Variants in MYH8 observed in about 807,000 individuals in gnomAD.
MYH8 encodes myosin-8.
MYH8 carries 168 observed loss-of-function variants against 233.2 expected under a neutral mutation model. That is an observed-to-expected ratio of 0.72 (90% confidence interval 0.64 to 0.82). MYH8 has a LOEUF of 0.82. Among genes scored for constraint, MYH8 ranks in the 40% least tolerant of loss-of-function variants. MYH8 has a pLI of 0.00. For synonymous variants in MYH8, 785 were observed against 850.6 expected (o/e 0.92, Z 1.34); for missense variants, 1,995 against 2,327.8 (o/e 0.86, Z 2.94).
Position 10,401,853 on chromosome 17 carries a change from C to G in MYH8, c.2689-68G>C. 5 of 1,592,694 alleles carry G rather than the reference C, an allele frequency of 3.1e-6. No homozygotes were observed. The South Asian group carries it at 4.5e-5, about 14-fold the overall frequency. ...TTTGAAACTTGGTGTTTTTTTTGCG[C>G]AAAAATAATAGTGTTTTATTGAATT... is the stretch of plus-strand genomic sequence containing the variant. On this transcript the variant is annotated intron_variant, in intron 22 of 39. Coordinates refer to ENST00000403437, the MANE Select transcript of MYH8 (RefSeq NM_002472.3).
In MYH8 at chr17:10,400,501, C is replaced by G. The variant is rs2072127843; in HGVS notation, c.3624G>C (p.Glu1208Asp). 1 of 1,614,102 alleles carries G rather than the reference C, an allele frequency of 6.2e-7. No homozygotes were observed. Among genetic ancestry groups the G allele is most frequent in the South Asian group, 1.1e-5 (1 of 91,082 alleles). The change falls in exon 27 of 40, where the codon GAG becomes GAC. Residue 1208 changes from glutamate (E) to aspartate (D), a missense_variant. Glu to Asp is a conservative substitution (Grantham distance 45). Transcript: ENST00000403437. The surrounding 1 kb of genome is among the most constrained non-coding windows in gnomAD (Gnocchi z 4.0). ...TGACCCGCTGCAAGTTGTCAATCTG[C>G]TCCCCAAGCTCAGCCATACTGTCTG... ...KHADSMAELG[E>D]QIDNLQRVKQ...
At position 10,406,416 on chromosome 17, in the gene MYH8, A is replaced by G. The variant is rs1268718152; in HGVS notation, c.2172-19T>C. 1 of 1,613,886 alleles carries G rather than the reference A, an allele frequency of 6.2e-7. No homozygotes were observed. Among genetic ancestry groups the G allele is most frequent in the Admixed American group, 1.7e-5 (1 of 60,022 alleles). On this transcript the variant is annotated intron_variant, in intron 19 of 39. Transcript: ENST00000403437. ...CTTGTATCTGCTCAGTTAAAGAAAG[A>G]AAGAATGGTTAGGAAAATGTGACCA...
rs200214136 is a variant in MYH8 at position 10,414,445 on chromosome 17, G to T, written c.845C>A (p.Ala282Glu). The T allele has an allele frequency of 1.2e-6, 2 of 1,613,088 alleles. No individual in the cohort carries two copies. The highest frequency in any genetic ancestry group is 1.3e-5 in the African/African-American group (1 of 74,990). ...EKSRVTFQLK[A>E]ERSYHIFYQI... Reference sequence around the variant, plus strand: ...ATAAAAAATATGGTAGCTTCTTTCCGCCTTTAGCTGGAAAGTAACTCTGGA... The same window carrying T: ...ATAAAAAATATGGTAGCTTCTTTCCTCCTTTAGCTGGAAAGTAACTCTGGA... The change falls in exon 10 of 40, where the codon GCG (alanine) becomes GAG (glutamate). Residue 282 changes from alanine to glutamate, a missense_variant. This residue lies in a region of MYH8 where 479 missense variants were observed against 600.9 expected (regional missense o/e 0.80). Transcript: ENST00000403437.
intron 9 of MYH8, 100 bp from the exon 10 acceptor site, chr17:10,414,584 G>C (rs2072273281): frequency 2.5e-6 from 2 of 810,744 alleles, no homozygotes. Context: ...CATTACATTT[G>C]GCTCCAATGA....
chr17:10,392,547 A>C lies in MYH8; in HGVS notation c.5563T>G (p.Tyr1855Asp). The C allele has an allele frequency of 3.1e-6, 5 of 1,613,556 alleles. No individual in the cohort carries two copies. Among genetic ancestry groups the C allele is most frequent in the Non-Finnish European group, 4.2e-6 (5 of 1,179,406 alleles). The part of the protein sequence containing the change: ...KHERRVKELT[Y>D]QTEEDRKNVL... The stretch of plus-strand genomic sequence containing the variant: ...TGGAAGGCTATTCCCTTTACCTGGT[A>C]GGTGAGTTCTTTTACTCGTCGCTCA... The change falls in exon 38 of 40, where the codon TAC (tyrosine) becomes GAC (aspartate). Residue 1855 changes from tyrosine to aspartate, a missense_variant. This residue lies in a region of MYH8 where 1,498 missense variants were observed against 1,680.9 expected (regional missense o/e 0.89). Transcript: ENST00000403437.
chr17:10,420,725 C>T (rs888812831), intron 2 of MYH8, among the ~76,000 whole-genome samples: 1 of 152,162 alleles, frequency 6.6e-6, no homozygotes, highest in Non-Finnish European at 1.5e-5. Flanking sequence ...TGGCCATTTT[C>T]TCTCATAAAG....
intron 5 of MYH8, 132 bp downstream of exon 5, chr17:10,418,513 G>A (rs1480164956): frequency 6.5e-7 from 1 of 1,542,312 alleles, no homozygotes. Flanking sequence ...AGCTGTGAAA[G>A]TTTTTTGAAA....
rs1567686317 is a variant in MYH8, at chr17:10,406,917, G to T, written c.2028C>A (p.Ile676=). 1 of 1,614,010 alleles carries T rather than the reference G, an allele frequency of 6.2e-7. No homozygotes were observed. The highest frequency in any genetic ancestry group is 1.7e-5 in the Admixed American group (1 of 60,020). Residue 676 remains isoleucine, a synonymous_variant, in exon 18 of 40, where the codon ATC becomes ATA. Transcript: ENST00000403437. ...CAGGAGTTTTGGTTTCATTGGGAAT[G>T]ATACACCGTACGAAGTGAGGGTGTG... The part of the protein sequence containing the change: ...RSTHPHFVRC[I]IPNETKTPGA...
chr17:10,396,059 T>A lies in MYH8; in HGVS notation c.4653+271A>T, dbSNP rs1025534327. 1.3e-5 allele frequency among the ~76,000 whole-genome samples: 2 copies of A among 152,238 alleles called. No individual in the cohort carries two copies. Among genetic ancestry groups the A allele is most frequent in the Non-Finnish European group, 2.9e-5 (2 of 68,036 alleles). ...TCATATTTCATGGCTATATAAAATT[T>A]CATCACATGACTGTTCTGTGATTTG... is the stretch of plus-strand genomic sequence containing the variant. On this transcript the variant is annotated intron_variant, in intron 33 of 39. Coordinates refer to ENST00000403437, the MANE Select transcript of MYH8 (RefSeq NM_002472.3). The surrounding 1 kb of genome is among the most constrained non-coding windows in gnomAD (Gnocchi z 4.2).
Position 10,399,620 on chromosome 17 carries a change from A to T in MYH8, c.3785T>A (p.Leu1262His). 1.9e-6 allele frequency: 3 copies of T among 1,614,078 alleles called. No homozygotes were observed. The highest frequency in any genetic ancestry group is 2.5e-6 in the Non-Finnish European group (3 of 1,180,018). Residue 1262 changes from leucine (L) to histidine (H), a missense_variant, in exon 28 of 40, where the codon CTT (leucine) becomes CAT (histidine). Physicochemically the swap from Leu to His is moderately conservative, Grantham distance 99. Around this residue, in one of 3 missense-constraint regions of MYH8, gnomAD observed 1,498 missense variants for 1,680.9 expected, o/e 0.89. Coordinates refer to ENST00000403437, the MANE Select transcript of MYH8 (RefSeq NM_002472.3). Reference sequence around the variant, plus strand: ...CTGCTGCTCCTCTTCCTTGGTCTTAAGCTCACTCACTTGATCTTCTAGAGA... The same window carrying T: ...CTGCTGCTCCTCTTCCTTGGTCTTATGCTCACTCACTTGATCTTCTAGAGA... ...CRSLEDQVSE[L>H]KTKEEEQQRL...
Position 10,406,697 on chromosome 17 carries a change from T to G in MYH8, c.2164A>C (p.Lys722Gln), listed in dbSNP as rs764003729. Residue 722 changes from lysine (K) to glutamine (Q), a missense_variant, in exon 19 of 40, where the codon AAA becomes CAA. Around this residue, in one of 3 missense-constraint regions of MYH8, gnomAD observed 1,498 missense variants for 1,680.9 expected, o/e 0.89. Coordinates refer to ENST00000403437, the MANE Select transcript of MYH8 (RefSeq NM_002472.3). ...FPSRILYGDFKQRYKVLNASA... is the reference protein window; with the variant it reads ...FPSRILYGDFQQRYKVLNASA... ...ACATCAAAGAAGACTGACCTTTGTT[T>G]GAAATCACCATATAAGATTCTGCTT... is the stretch of plus-strand genomic sequence containing the variant. 6.2e-7 allele frequency: 1 copy of G among 1,613,604 alleles called. No individual in the cohort carries two copies. Among genetic ancestry groups the G allele is most frequent in the Non-Finnish European group, 8.5e-7 (1 of 1,179,572 alleles).
intron 35 of MYH8, among the ~76,000 whole-genome samples, chr17:10,393,568 A>G (rs2142167879): frequency 6.6e-6 from 1 of 152,320 alleles, no homozygotes; most frequent in South Asian, 2.1e-4. Context: ...AGGCACTGAG[A>G]GTTTCTTGCT....
At position 10,409,115 on chromosome 17, in the gene MYH8, A is replaced by G. The variant is rs769428248; in HGVS notation, c.1947T>C (p.Thr649=). ...ACTTTACCCTGAAAAGGGCAGACAC[A>G]GTCTGGAAAGAAGAGCCCTTTTTCT... ...GAKKKGSSFQ[T]VSALFRENLN... is the part of the protein sequence containing the mutation. Residue 649 remains threonine, a synonymous_variant, in exon 17 of 40, where the codon ACT becomes ACC. Coordinates refer to ENST00000403437, the MANE Select transcript of MYH8 (RefSeq NM_002472.3). 3.7e-6 allele frequency: 6 copies of G among 1,614,184 alleles called. No individual in the cohort carries two copies. The South Asian group carries it at 6.6e-5, about 18-fold the overall frequency.
In MYH8 at chr17:10,395,290, C is replaced by G; in HGVS notation, c.4805G>C (p.Ser1602Thr). Reference sequence around the variant, plus strand: ...GCTTCTAATCTCTGCATCCAGCGTGCTCTGCATTGTCTCCACGACTCTAGT... The same window carrying G: ...GCTTCTAATCTCTGCATCCAGCGTGGTCTGCATTGTCTCCACGACTCTAGT... ...NHTRVVETMQ[S>T]TLDAEIRSRN... is the part of the protein sequence containing the mutation. The change falls in exon 34 of 40, where the codon AGC becomes ACC. Residue 1602 changes from serine (S) to threonine (T), a missense_variant. Physicochemically the swap from Ser to Thr is moderately conservative, Grantham distance 58. Transcript: ENST00000403437. The G allele has an allele frequency of 6.2e-7, 1 of 1,614,216 alleles. No homozygotes were observed. Among genetic ancestry groups the G allele is most frequent in the Non-Finnish European group, 8.5e-7 (1 of 1,180,042 alleles).
At position 10,405,573 on chromosome 17, in the gene MYH8, G is replaced by A. The variant is rs1010056111; in HGVS notation, c.2432+468C>T. ...AGTAGAGGGAATGCAATAGTGTTGG[G>A]TAGATAAACTGGGTGAGATTAGTTA... On this transcript the variant is annotated intron_variant, in intron 21 of 39. Coordinates refer to ENST00000403437, the MANE Select transcript of MYH8 (RefSeq NM_002472.3). Among the ~76,000 whole-genome samples the A allele has an allele frequency of 3.3e-5, 5 of 152,292 alleles. No homozygotes were observed. The South Asian group carries it at 1.0e-3, about 32-fold the overall frequency.
At chr17:10,403,583 G>A (rs1369255290) in intron 22 of MYH8, among the ~76,000 whole-genome samples, 1 of 152,062 alleles carries the variant, frequency 6.6e-6, no homozygotes, top group East Asian at 1.9e-4. Context: ...AGAGGCTATG[G>A]TCCTGTGCTT....
intron 22 of MYH8, 58 bp from the exon 23 acceptor site, chr17:10,401,843 T>C: frequency 1.2e-6 from 2 of 1,609,162 alleles, no homozygotes; most frequent in South Asian, 1.1e-5. Flanking sequence ...AACTTGGTGT[T>C]TTTTTTGCGC....
Position 10,400,570 on chromosome 17 carries a change from G to C in MYH8, c.3555C>G (p.Thr1185=). Residue 1185 remains threonine, a synonymous_variant, in exon 27 of 40, where the codon ACC becomes ACG. Coordinates refer to ENST00000403437, the MANE Select transcript of MYH8 (RefSeq NM_002472.3). The surrounding 1 kb of genome is among the most constrained non-coding windows in gnomAD (Gnocchi z 4.0). ...CAGCCACCATAGCTTCATGCTGCAGGGTGGCCTCCTCCAGGTCCCTGCGCA... is the reference window on the plus strand; with the variant it reads ...CAGCCACCATAGCTTCATGCTGCAGCGTGGCCTCCTCCAGGTCCCTGCGCA... ...QKLRRDLEEA[T]LQHEAMVAAL... The C allele has an allele frequency of 6.2e-7, 1 of 1,614,194 alleles. No individual in the cohort carries two copies. Among genetic ancestry groups the C allele is most frequent in the Non-Finnish European group, 8.5e-7 (1 of 1,180,034 alleles).
Position 10,394,439 on chromosome 17 carries a change from T to C in MYH8, c.4976A>G (p.His1659Arg). Residue 1659 changes from histidine (H) to arginine (R), a missense_variant, in exon 35 of 40, where the codon CAC becomes CGC. This residue lies in a region of MYH8 where 1,498 missense variants were observed against 1,680.9 expected (regional missense o/e 0.89). Transcript: ENST00000403437. ...TQGILKETQL[H>R]LDDALRGQED... ...CTGGCCCCGGAGAGCATCATCCAGGTGGAGCTGGGTTTCCTAATAAGTGAA... is the reference window on the plus strand; with the variant it reads ...CTGGCCCCGGAGAGCATCATCCAGGCGGAGCTGGGTTTCCTAATAAGTGAA... 1 of 1,614,170 alleles carries C rather than the reference T, an allele frequency of 6.2e-7. No homozygotes were observed. The highest frequency in any genetic ancestry group is 1.1e-5 in the South Asian group (1 of 91,082).
Sources: gnomAD v4.1 joint callset for allele counts (sites outside exome capture counted in the v4.1 genomes callset) on GRCh38, gnomAD v4.1.1 for gene constraint, gnomAD v4.1.1 regional missense constraint, Gnocchi (gnomAD v3.1) non-coding constraint, MANE v1.5 for transcripts, NCBI Gene and HGNC (gene_info 2026-07-23, HGNC 2026-07-21) for gene names.